The following CTNND2 variants were observed in gnomAD, a reference collection of about 807,000 sequenced individuals.
CTNND2 encodes catenin delta-2.
Under a neutral mutation model 144.4 loss-of-function variants are expected in CTNND2, and 22 were observed. The ratio of observed to expected loss-of-function variants is 0.15; its 90% CI spans 0.11 to 0.22. The LOEUF is 0.22. Ranked by LOEUF, CTNND2 falls within the 10% of genes least tolerant of loss-of-function variation. CTNND2 has a pLI of 1.00. For missense variants in CTNND2, 1,353 were observed against 1,618.8 expected (o/e 0.84, Z 2.82); for synonymous variants, 751 against 695.6 (o/e 1.08, Z -1.25).
chr5:11,678,772 A>G (rs915043790), intron 2 of CTNND2, among the ~76,000 whole-genome samples: 1 of 152,166 alleles, frequency 6.6e-6, no homozygotes, highest in Admixed American at 6.5e-5. Flanking sequence ...CAAGTTACAG[A>G]TAAGTTTAAG....
chr5:11,492,813 G>A (rs1233088516), intron 3 of CTNND2, among the ~76,000 whole-genome samples: 1 of 152,056 alleles, frequency 6.6e-6, no homozygotes, highest in East Asian at 1.9e-4. Context: ...GCTCACGCCT[G>A]TAATCCCAGC....
intron 2 of CTNND2, among the ~76,000 whole-genome samples, chr5:11,635,828 T>C (rs190537828): frequency 1.0e-3 from 157 of 152,154 alleles, no homozygotes; most frequent in African/African-American, 3.7e-3. Context: ...CCTTTACGGG[T>C]TCTACTAGCA....
At chr5:11,651,481 T>A (rs1782644464) in intron 2 of CTNND2, among the ~76,000 whole-genome samples, 1 of 152,218 alleles carries the variant, frequency 6.6e-6, no homozygotes, top group East Asian at 1.9e-4. Context: ...GAGTCCCCAC[T>A]GGGGCACTGC....
intron 10 of CTNND2, among the ~76,000 whole-genome samples, chr5:11,216,330 C>T (rs1234580740): frequency 6.6e-6 from 1 of 152,200 alleles, no homozygotes; most frequent in African/African-American, 2.4e-5. Context: ...ATGAAGGCTG[C>T]TAATTAGCTG....
intron 9 of CTNND2, among the ~76,000 whole-genome samples, chr5:11,245,144 G>C (rs1156518003): frequency 6.6e-6 from 1 of 152,164 alleles, no homozygotes; most frequent in African/African-American, 2.4e-5. Context: ...GGCGAAAAGG[G>C]GCTATTCTTG....
chr5:11,295,233 T>C (rs154714), intron 9 of CTNND2, among the ~76,000 whole-genome samples: 57,988 of 151,982 alleles, frequency 0.38, 11,373 homozygotes, highest in African/African-American at 0.47. Context: ...CCATTCACAA[T>C]TGCTTCAAAG....
rs541376785 is a variant in CTNND2, at chr5:11,380,847, T to C, written c.1177+3818A>G. On this transcript the variant is annotated intron_variant, in intron 7 of 21. Coordinates refer to ENST00000304623, the MANE Select transcript of CTNND2 (RefSeq NM_001332.4). ...AACTTCTAATTTCTGGAAATGTTTA[T>C]AGCGAAACAAGAAAAACTTGAAAAA... Among the ~76,000 whole-genome samples, 4 of 152,350 alleles carry C rather than the reference T, an allele frequency of 2.6e-5. No individual in the cohort carries two copies. The East Asian group carries it at 5.8e-4, about 22-fold the overall frequency.
At chr5:11,612,544 C>T (rs1475863225) in intron 2 of CTNND2, among the ~76,000 whole-genome samples, 1 of 152,104 alleles carries the variant, frequency 6.6e-6, no homozygotes, top group African/African-American at 2.4e-5. Context: ...GAAAACATAG[C>T]TGAAAGCAAC....
At chr5:11,043,034 T>C (rs1334312730) in intron 16 of CTNND2, among the ~76,000 whole-genome samples, 1 of 152,110 alleles carries the variant, frequency 6.6e-6, no homozygotes, top group East Asian at 1.9e-4. Flanking sequence ...CACTTCGAGA[T>C]TGGTCTTTAA....
chr5:11,325,550 T>C (rs1258631767), intron 9 of CTNND2, among the ~76,000 whole-genome samples: 2 of 152,158 alleles, frequency 1.3e-5, no homozygotes, highest in East Asian at 3.8e-4. Context: ...CATGAATGAA[T>C]GCTATTTATT....
intron 12 of CTNND2, among the ~76,000 whole-genome samples, chr5:11,145,367 G>A (rs1309716582): frequency 1.3e-5 from 2 of 152,008 alleles, no homozygotes; most frequent in African/African-American, 4.8e-5. Context: ...CTACATGACT[G>A]GCCAATCCCT....
At chr5:11,792,822 T>C (rs1791206635) in intron 1 of CTNND2, among the ~76,000 whole-genome samples, 1 of 152,234 alleles carries the variant, frequency 6.6e-6, no homozygotes, top group African/African-American at 2.4e-5. Flanking sequence ...CCTCTTTCCC[T>C]ACGGAAGGCT....
At chr5:11,379,225 C>T (rs1758244037) in intron 7 of CTNND2, among the ~76,000 whole-genome samples, 1 of 152,180 alleles carries the variant, frequency 6.6e-6, no homozygotes, top group Non-Finnish European at 1.5e-5. Context: ...TTTTTAGATA[C>T]TATTATTACT....
intron 11 of CTNND2, among the ~76,000 whole-genome samples, chr5:11,198,353 C>G (rs1737083213): frequency 6.6e-6 from 1 of 152,128 alleles, no homozygotes; most frequent in Non-Finnish European, 1.5e-5. Context: ...CAATTTACAT[C>G]TAGTTCTAAT....
intron 5 of CTNND2, among the ~76,000 whole-genome samples, chr5:11,397,561 G>A (rs1167178032): frequency 6.6e-6 from 1 of 151,956 alleles, no homozygotes; most frequent in Admixed American, 6.6e-5. Context: ...TCTACTTTTC[G>A]GTACCTGTTA....
intron 2 of CTNND2, among the ~76,000 whole-genome samples, chr5:11,721,321 A>G (rs1181507611): frequency 1.3e-5 from 2 of 152,228 alleles, no homozygotes; most frequent in African/African-American, 4.8e-5. Flanking sequence ...TGACTATACC[A>G]AAACCACATA....
At chr5:11,284,821 T>C (rs550641888) in intron 9 of CTNND2, among the ~76,000 whole-genome samples, 1 of 152,342 alleles carries the variant, frequency 6.6e-6, no homozygotes, top group East Asian at 1.9e-4. Context: ...CCATTAACTT[T>C]GGCTTCTAAG....
At chr5:11,560,719 A>C (rs1776615465) in intron 3 of CTNND2, among the ~76,000 whole-genome samples, 1 of 152,230 alleles carries the variant, frequency 6.6e-6, no homozygotes, top group African/African-American at 2.4e-5. Context: ...GAAGGATATG[A>C]GCCCTGAGGT....
chr5:11,717,534 G>A (rs543699702), intron 2 of CTNND2, among the ~76,000 whole-genome samples: 8 of 149,596 alleles, frequency 5.3e-5, no homozygotes, highest in African/African-American at 1.7e-4. Flanking sequence ...CTGAGATCAC[G>A]CCACTGCACT....
Sources: allele counts gnomAD v4.1 joint callset (sites outside exome capture counted in the v4.1 genomes callset), GRCh38; gene constraint gnomAD v4.1.1; transcripts MANE v1.5; gene names NCBI Gene and HGNC (gene_info 2026-07-23, HGNC 2026-07-21).